PITPNC1: variants seen among roughly 807,000 people sequenced by gnomAD.
PITPNC1 encodes the protein cytoplasmic phosphatidylinositol transfer protein 1.
PITPNC1 carries 18 observed loss-of-function variants against 44.7 expected under a neutral mutation model. The observed-to-expected ratio is 0.40, with a 90% confidence interval of 0.28 to 0.60. The LOEUF is 0.60. PITPNC1 is among the 20% of genes least tolerant of loss of function. The pLI, the probability that PITPNC1 is intolerant of heterozygous loss-of-function variation, is 0.39. For synonymous variants in PITPNC1, 141 were observed against 149.6 expected (o/e 0.94, Z 0.42); for missense variants, 290 against 418.4 (o/e 0.69, Z 2.68).
intron 6 of PITPNC1, among the ~76,000 whole-genome samples, chr17:67,646,658 C>A (rs897794023): frequency 6.6e-6 from 1 of 152,134 alleles, no homozygotes; most frequent in African/African-American, 2.4e-5. Context: ...TGACTACCAG[C>A]ACATGCCACC....
chr17:67,630,356 G>A (rs751472040), intron 5 of PITPNC1, among the ~76,000 whole-genome samples: 1 of 152,128 alleles, frequency 6.6e-6, no homozygotes, highest in Admixed American at 6.5e-5. Context: ...GGTGGCTCAC[G>A]CCTGTAATCC....
At chr17:67,483,550 G>A (rs556732116) in intron 1 of PITPNC1, among the ~76,000 whole-genome samples, 60 of 152,224 alleles carry the variant, frequency 3.9e-4, no homozygotes, top group African/African-American at 1.1e-3. Context: ...ATTAAGATGC[G>A]TTGCCACTCT....
chr17:67,690,920 T>C (rs1315382684), intron 8 of PITPNC1, among the ~76,000 whole-genome samples: 1 of 152,018 alleles, frequency 6.6e-6, no homozygotes, highest in East Asian at 1.9e-4. Context: ...CTGGCCAACA[T>C]GGTGAAACCC....
At chr17:67,549,112 C>A (rs979081714) in intron 2 of PITPNC1, among the ~76,000 whole-genome samples, 23 of 152,142 alleles carry the variant, frequency 1.5e-4, no homozygotes, top group Non-Finnish European at 2.4e-4. Context: ...AAATACCTCT[C>A]GCGTCTGGCC....
At chr17:67,430,800 A>G (rs1014014557) in intron 1 of PITPNC1, among the ~76,000 whole-genome samples, 3 of 151,980 alleles carry the variant, frequency 2.0e-5, no homozygotes, top group African/African-American at 4.8e-5. Flanking sequence ...CCAAAAAAAA[A>G]AAAATTAGAC....
At chr17:67,464,513 G>A (rs1200211301) in intron 1 of PITPNC1, among the ~76,000 whole-genome samples, 1 of 152,120 alleles carries the variant, frequency 6.6e-6, no homozygotes, top group Non-Finnish European at 1.5e-5. Context: ...CGAACTCTAA[G>A]AGGAAGTCAC....
chr17:67,485,565 A>C (rs1179235853), intron 1 of PITPNC1, among the ~76,000 whole-genome samples: 2 of 151,774 alleles, frequency 1.3e-5, no homozygotes, highest in Non-Finnish European at 2.9e-5. Flanking sequence ...GGGTCTCACC[A>C]TGTTGGCCAA....
At chr17:67,378,996 C>T (rs1410354388) in intron 1 of PITPNC1, 2 of 985,258 alleles carry the variant, frequency 2.0e-6, no homozygotes, top group African/African-American at 3.5e-5. Context: ...CTGTCCTTCT[C>T]CCGATCCTGC....
chr17:67,626,590 A>G (rs1444430435), intron 5 of PITPNC1, among the ~76,000 whole-genome samples: 3 of 152,068 alleles, frequency 2.0e-5, no homozygotes, highest in East Asian at 1.9e-4. Context: ...GGCTGGTCTT[A>G]AACTTCTGAC....
intron 6 of PITPNC1, among the ~76,000 whole-genome samples, chr17:67,634,149 C>T (rs1408982025): frequency 1.3e-5 from 2 of 152,166 alleles, no homozygotes; most frequent in South Asian, 2.1e-4. Context: ...TGGGCACGTC[C>T]GTACCTCCTT....
intron 5 of PITPNC1, among the ~76,000 whole-genome samples, chr17:67,595,351 A>G (rs751369876): frequency 1.3e-5 from 2 of 152,194 alleles, no homozygotes; most frequent in Admixed American, 6.5e-5. Flanking sequence ...CCCCTTGGAC[A>G]TCCAGAGCCA....
At chr17:67,390,454 G>A (rs2038121521) in intron 1 of PITPNC1, among the ~76,000 whole-genome samples, 1 of 152,176 alleles carries the variant, frequency 6.6e-6, no homozygotes, top group Admixed American at 6.5e-5. Context: ...CTGGCTCCAG[G>A]TGCATATCTC....
intron 5 of PITPNC1, 89 bp downstream of exon 5, chr17:67,578,346 C>T: frequency 3.4e-6 from 3 of 872,266 alleles, no homozygotes; most frequent in Admixed American, 1.9e-5. Flanking sequence ...CCAGGGCCAG[C>T]AGTGGGACCT....
intron 6 of PITPNC1, among the ~76,000 whole-genome samples, chr17:67,639,965 C>T (rs1453260779): frequency 2.0e-5 from 3 of 152,316 alleles, no homozygotes. Context: ...TTCTGGTCTA[C>T]ATCTTGGCCT....
chr17:67,470,485 C>G (rs1438952130), intron 1 of PITPNC1, among the ~76,000 whole-genome samples: 2 of 152,226 alleles, frequency 1.3e-5, no homozygotes, highest in Admixed American at 6.5e-5. Flanking sequence ...CCTATAGATG[C>G]AGTCATACAG....
chr17:67,449,790 C>T (rs1359132010), intron 1 of PITPNC1, among the ~76,000 whole-genome samples: 1 of 152,178 alleles, frequency 6.6e-6, no homozygotes, highest in African/African-American at 2.4e-5. Context: ...TTTGATGCCT[C>T]TATCACAGTT....
At chr17:67,514,477 C>A (rs1245721312) in intron 1 of PITPNC1, among the ~76,000 whole-genome samples, 2 of 150,972 alleles carry the variant, frequency 1.3e-5, no homozygotes, top group Non-Finnish European at 2.9e-5. Flanking sequence ...CTGTTACAGG[C>A]GTGAGCCATC....
chr17:67,603,235 T>C (rs1377319512), intron 5 of PITPNC1, among the ~76,000 whole-genome samples: 1 of 152,178 alleles, frequency 6.6e-6, no homozygotes, highest in African/African-American at 2.4e-5. Flanking sequence ...GGCTCGCCTG[T>C]GCCCCTTTTC....
intron 1 of PITPNC1, among the ~76,000 whole-genome samples, chr17:67,465,803 C>T (rs1040036342): frequency 2.6e-5 from 4 of 152,030 alleles, no homozygotes; most frequent in African/African-American, 9.7e-5. Context: ...TTCGTGGAAG[C>T]TTAGCTCCTT....
Sources: allele counts gnomAD v4.1 joint callset (sites outside exome capture counted in the v4.1 genomes callset), GRCh38; gene constraint gnomAD v4.1.1; transcripts MANE v1.5; gene names NCBI Gene and HGNC (gene_info 2026-07-23, HGNC 2026-07-21).